ERC1: variants seen among roughly 807,000 people sequenced by gnomAD.
ERC1 encodes ELKS/RAB6-interacting/CAST family member 1, also known as RAB6 interacting protein 2.
ERC1 carries 56 observed loss-of-function variants against 132.0 expected under a neutral mutation model. The ratio of observed to expected loss-of-function variants is 0.42; its 90% CI spans 0.34 to 0.53. The LOEUF (loss-of-function observed/expected upper bound fraction) is 0.53. Ranked by LOEUF, ERC1 falls within the 20% of genes least tolerant of loss-of-function variation. The pLI, the probability that ERC1 is intolerant of heterozygous loss-of-function variation, is 0.03. For synonymous variants in ERC1, 478 were observed against 476.1 expected (o/e 1.00, Z -0.05); for missense variants, 1,202 against 1,349.9 (o/e 0.89, Z 1.72).
chr12:1,168,260 A>G (rs1566131239), intron 8 of ERC1, among the ~76,000 whole-genome samples: 1 of 151,990 alleles, frequency 6.6e-6, no homozygotes, highest in Non-Finnish European at 1.5e-5. Flanking sequence ...AACTAAGACT[A>G]CAGTTGTACA....
intron 8 of ERC1, among the ~76,000 whole-genome samples, chr12:1,142,260 T>C (rs1479856162): frequency 1.3e-5 from 2 of 152,190 alleles, no homozygotes; most frequent in Admixed American, 6.5e-5. Context: ...AATCTTACTG[T>C]TCCTTAGTGC....
intron 12 of ERC1, among the ~76,000 whole-genome samples, chr12:1,201,541 G>A (rs1042282266): frequency 2.5e-4 from 38 of 152,230 alleles, no homozygotes; most frequent in African/African-American, 8.7e-4. Context: ...GTTTATTTAG[G>A]TTGACCAAAA....
At chr12:1,360,646 GA>G (rs2086002785) in intron 15 of ERC1, among the ~76,000 whole-genome samples, 1 of 152,144 alleles carries the variant, frequency 6.6e-6, no homozygotes, top group Admixed American at 6.6e-5. Flanking sequence ...AGCTTAAAGA[GA>G]AATTTGGCAG....
intron 2 of ERC1, among the ~76,000 whole-genome samples, chr12:1,068,197 T>C (rs1446209231): frequency 5.9e-5 from 9 of 152,166 alleles, no homozygotes; most frequent in African/African-American, 1.9e-4. Flanking sequence ...CCCAAAGTAC[T>C]GGGATTACAG....
chr12:1,423,563 G>A lies in ERC1; in HGVS notation c.3024+15316G>A, dbSNP rs959071859. Among the ~76,000 whole-genome samples the A allele has an allele frequency of 1.1e-4, 17 of 152,270 alleles. No individual in the cohort carries two copies. The East Asian group carries it at 1.2e-3, about 10-fold the overall frequency. ...TGGTATTCTTTAATTGTCACATACA[G>A]TGTTCTGTAAGTATCAACTGGGTCA... On this transcript the variant is annotated intron_variant, in intron 17 of 18. Coordinates refer to ENST00000360905, the MANE Select transcript of ERC1 (RefSeq NM_178040.4).
intron 14 of ERC1, among the ~76,000 whole-genome samples, chr12:1,276,160 A>G (rs183516617): frequency 6.6e-5 from 10 of 151,774 alleles, no homozygotes; most frequent in East Asian, 1.9e-4. Flanking sequence ...GAAAAATCCT[A>G]CTTCTTCCAT....
intron 17 of ERC1, chr12:1,444,250 A>G (rs2093240845): frequency 5.2e-6 from 1 of 193,048 alleles, no homozygotes; most frequent in African/African-American, 2.3e-5. Flanking sequence ...CAGGAATAGC[A>G]TCTCTGTAAA....
At chr12:1,438,313 A>G (rs558301480) in intron 17 of ERC1, among the ~76,000 whole-genome samples, 1 of 152,238 alleles carries the variant, frequency 6.6e-6, no homozygotes, top group Non-Finnish European at 1.5e-5. Flanking sequence ...TTCAGAGTTT[A>G]GCTCTCCGCT....
chr12:1,127,005 A>AAAAAAAAAAAAAAAAAAAAAC (rs1948255310), intron 7 of ERC1, among the ~76,000 whole-genome samples: 1 of 148,688 alleles, frequency 6.7e-6, no homozygotes, highest in Non-Finnish European at 1.5e-5. Context: ...AAAAAAAAAA[A>AAAAAAAAAAAAAAAAAAAAAC]AAAAAAAACC....
At chr12:1,285,707 C>G (rs2078997586) in intron 14 of ERC1, among the ~76,000 whole-genome samples, 1 of 151,986 alleles carries the variant, frequency 6.6e-6, no homozygotes, top group African/African-American at 2.4e-5. Flanking sequence ...TAACTTTTGG[C>G]AAATATACAA....
intron 17 of ERC1, among the ~76,000 whole-genome samples, chr12:1,435,099 T>A (rs1211297909): frequency 6.6e-6 from 1 of 152,242 alleles, no homozygotes; most frequent in Non-Finnish European, 1.5e-5. Flanking sequence ...GGTTGATGTC[T>A]GGAAATTGTT....
intron 15 of ERC1, among the ~76,000 whole-genome samples, chr12:1,300,653 C>G (rs7973820): frequency 0.36 from 54,967 of 152,010 alleles, 10,272 homozygotes; most frequent in Middle Eastern, 0.45. Context: ...CGTGAACAGA[C>G]ACTTCTCAAA....
intron 18 of ERC1, among the ~76,000 whole-genome samples, chr12:1,473,839 T>G (rs910494157): frequency 6.6e-6 from 1 of 152,132 alleles, no homozygotes; most frequent in African/African-American, 2.4e-5. Flanking sequence ...TACTAAGTGC[T>G]AAAGGGATTC....
intron 14 of ERC1, among the ~76,000 whole-genome samples, chr12:1,274,325 T>C (rs533577743): frequency 2.7e-4 from 41 of 152,244 alleles, no homozygotes; most frequent in South Asian, 4.1e-4. Flanking sequence ...AGCTTATATG[T>C]TAGTAGGGGA....
chr12:1,445,016 T>G (rs1249040455), intron 18 of ERC1: 1 of 348,718 alleles, frequency 2.9e-6, no homozygotes, highest in Non-Finnish European at 5.2e-6. Context: ...ACTGTTTTAT[T>G]TTTTTAATTC....
At chr12:1,235,103 T>C (rs1457466294) in intron 12 of ERC1, among the ~76,000 whole-genome samples, 1 of 152,264 alleles carries the variant, frequency 6.6e-6, no homozygotes, top group African/African-American at 2.4e-5. Context: ...ACATGGTGAC[T>C]CATGCCTGTA....
At chr12:1,373,587 C>T (rs1263476849) in intron 16 of ERC1, among the ~76,000 whole-genome samples, 2 of 152,220 alleles carry the variant, frequency 1.3e-5, no homozygotes, top group Non-Finnish European at 2.9e-5. Flanking sequence ...CGAGACCATC[C>T]TGGCCAACAT....
intron 12 of ERC1, among the ~76,000 whole-genome samples, chr12:1,224,637 T>A (rs2074411340): frequency 6.6e-6 from 1 of 152,032 alleles, no homozygotes; most frequent in Non-Finnish European, 1.5e-5. Flanking sequence ...TTTTAAAATA[T>A]TTTATGTCTG....
chr12:1,231,145 A>G (rs2075005552), intron 12 of ERC1, among the ~76,000 whole-genome samples: 1 of 146,970 alleles, frequency 6.8e-6, no homozygotes, highest in Non-Finnish European at 1.5e-5. Flanking sequence ...TTCTGATTTG[A>G]TTTTTTTTTT....
Sources: gnomAD v4.1 joint callset for allele counts (sites outside exome capture counted in the v4.1 genomes callset) on GRCh38, gnomAD v4.1.1 for gene constraint, MANE v1.5 for transcripts, NCBI Gene and HGNC (gene_info 2026-07-23, HGNC 2026-07-21) for gene names.